CACNA2D1: variants seen among roughly 807,000 people sequenced by gnomAD.
CACNA2D1 encodes the protein calcium voltage-gated channel auxiliary subunit alpha2delta 1, also known as voltage-dependent calcium channel subunit alpha-2/delta-1.
CACNA2D1 carries 53 observed loss-of-function variants against 171.5 expected under a neutral mutation model. That is an observed-to-expected ratio of 0.31 (90% confidence interval 0.25 to 0.39). The LOEUF is 0.39. CACNA2D1 is among the 10% of genes least tolerant of loss of function. The pLI, the probability that CACNA2D1 is intolerant of heterozygous loss-of-function variation, is 1.00. For missense variants in CACNA2D1, 903 were observed against 1,299.8 expected, an observed-to-expected ratio of 0.69 and a Z score of 4.69; for synonymous variants, 442 against 443.1, an observed-to-expected ratio of 1.00 and a Z score of 0.03.
chr7:81,981,888 A>G (rs1017796193), intron 24 of CACNA2D1, among the ~76,000 whole-genome samples: 2 of 152,204 alleles, frequency 1.3e-5, no homozygotes, highest in Non-Finnish European at 2.9e-5. Context: ...ATGTTCTCCC[A>G]GAAAGTTGAA....
At chr7:82,363,190 T>C (rs1373716934) in intron 1 of CACNA2D1, among the ~76,000 whole-genome samples, 1 of 151,068 alleles carries the variant, frequency 6.6e-6, no homozygotes, top group Non-Finnish European at 1.5e-5. Flanking sequence ...TAGTCTCTTA[T>C]AATTTATGCA....
chr7:81,964,254 G>A lies in CACNA2D1; in HGVS notation c.2680C>T (p.Pro894Ser), dbSNP rs774855335. The A allele has an allele frequency of 6.2e-7, 1 of 1,612,670 alleles. No homozygotes were observed. Among genetic ancestry groups the A allele is most frequent in the Non-Finnish European group, 8.5e-7 (1 of 1,179,174 alleles). Reference sequence around the variant, plus strand: ...GCTCCTTGTTTTGGTGCAGCACCGGGCTCACATACTGACTGATAATCATAA... The same window carrying A: ...GCTCCTTGTTTTGGTGCAGCACCGGACTCACATACTGACTGATAATCATAA... ...KSYDYQSVCE[P>S]GAAPKQGAGH... The change falls in exon 33 of 39, where the codon CCC (proline) becomes TCC (serine). Residue 894 changes from proline to serine, a missense_variant. Coordinates refer to ENST00000356860, the MANE Select transcript of CACNA2D1 (RefSeq NM_000722.4).
At chr7:82,112,216 T>C (rs2129049551) in intron 6 of CACNA2D1, among the ~76,000 whole-genome samples, 1 of 152,340 alleles carries the variant, frequency 6.6e-6, no homozygotes, top group South Asian at 2.1e-4. Context: ...CTCTCGTGGA[T>C]TGCATTTCCT....
chr7:82,303,436 A>G, intron 3 of CACNA2D1, among the ~76,000 whole-genome samples: 1 of 151,218 alleles, frequency 6.6e-6, no homozygotes. Context: ...AAAAAATTCT[A>G]AACTGTGTAT....
intron 4 of CACNA2D1, among the ~76,000 whole-genome samples, chr7:82,148,733 G>A (rs1177101680): frequency 1.3e-5 from 2 of 152,128 alleles, no homozygotes; most frequent in Non-Finnish European, 2.9e-5. Context: ...CGCCTCCCAG[G>A]TTCAAGTGAT....
chr7:82,273,460 T>C (rs1333626719), intron 3 of CACNA2D1, among the ~76,000 whole-genome samples: 1 of 151,242 alleles, frequency 6.6e-6, no homozygotes, highest in Non-Finnish European at 1.5e-5. Flanking sequence ...TTATTGTATA[T>C]CTTCTCTATA....
At chr7:82,266,879 A>C (rs1807932792) in intron 3 of CACNA2D1, among the ~76,000 whole-genome samples, 1 of 152,200 alleles carries the variant, frequency 6.6e-6, no homozygotes. Flanking sequence ...TTGTAAGAAG[A>C]ACTGTACTAC....
intron 3 of CACNA2D1, among the ~76,000 whole-genome samples, chr7:82,278,697 G>C (rs1484922746): frequency 3.3e-5 from 5 of 151,652 alleles, no homozygotes; most frequent in Admixed American, 6.6e-5. Context: ...TTTGGAGTAA[G>C]AAATACAACA....
At chr7:82,321,227 C>T (rs1411456138) in intron 3 of CACNA2D1, among the ~76,000 whole-genome samples, 7 of 151,814 alleles carry the variant, frequency 4.6e-5, no homozygotes, top group East Asian at 1.9e-4. Context: ...GGTGAAACCC[C>T]GTCTCTACTA....
intron 32 of CACNA2D1, 40 bp from the exon 33 acceptor site, chr7:81,964,399 A>G (rs1264985903): frequency 1.9e-6 from 3 of 1,557,862 alleles, no homozygotes; most frequent in Non-Finnish European, 2.6e-6. Context: ...TGCACTTAAA[A>G]TGTAAGCCAA....
chr7:81,994,981 C>G, intron 19 of CACNA2D1, 42 bp from the exon 20 acceptor site: 2 of 951,456 alleles, frequency 2.1e-6, no homozygotes, highest in Non-Finnish European at 3.5e-6. Flanking sequence ...AGAAACAAAG[C>G]TGACCTGCCA....
intron 3 of CACNA2D1, among the ~76,000 whole-genome samples, chr7:82,185,992 A>T (rs561743023): frequency 6.6e-6 from 1 of 151,924 alleles, no homozygotes; most frequent in Non-Finnish European, 1.5e-5. Flanking sequence ...CCCCATCTCT[A>T]CTAATAATAC....
intron 10 of CACNA2D1, chr7:82,051,206 A>G (rs1169451603): frequency 2.0e-5 from 3 of 152,708 alleles, no homozygotes; most frequent in Non-Finnish European, 4.4e-5. Flanking sequence ...TGTCTCACAC[A>G]GAGGTCTGGA....
intron 9 of CACNA2D1, among the ~76,000 whole-genome samples, chr7:82,061,881 T>C (rs1007421017): frequency 2.0e-4 from 30 of 152,098 alleles, no homozygotes; most frequent in Admixed American, 2.0e-3. Context: ...GAGGCACAGG[T>C]CCCCGTGGGA....
At chr7:82,184,849 T>G (rs1797498226) in intron 3 of CACNA2D1, among the ~76,000 whole-genome samples, 1 of 152,330 alleles carries the variant, frequency 6.6e-6, no homozygotes, top group African/African-American at 2.4e-5. Flanking sequence ...GAAGGGCTGA[T>G]ATATTTTCAC....
At chr7:82,246,294 A>G (rs974992622) in intron 3 of CACNA2D1, among the ~76,000 whole-genome samples, 5 of 151,792 alleles carry the variant, frequency 3.3e-5, no homozygotes, top group African/African-American at 1.2e-4. Context: ...TAATTTATAC[A>G]TATCACATTA....
chr7:82,063,487 T>C (rs1031291309), intron 9 of CACNA2D1, among the ~76,000 whole-genome samples: 1 of 152,120 alleles, frequency 6.6e-6, no homozygotes. Context: ...AAAATTCAAA[T>C]GTTAATACTT....
rs867563615 is a variant in CACNA2D1, at chr7:82,060,105, C to G, written c.879+323G>C. On this transcript the variant is annotated intron_variant, in intron 10 of 38. Transcript: ENST00000356860. ...GGCACATGTATAAATATGTAACAAACCTGCACGTTGTGCACATGTACCCTA... is the reference window on the plus strand; with the variant it reads ...GGCACATGTATAAATATGTAACAAAGCTGCACGTTGTGCACATGTACCCTA... Among the ~76,000 whole-genome samples, 28 of 96,926 alleles carry G rather than the reference C, an allele frequency of 2.9e-4. 1 individual carries two copies. The highest frequency in any genetic ancestry group is 1.0e-3 in the African/African-American group (27 of 26,950). 63.6% of individuals were successfully genotyped at this position (96,926 alleles called of 152,430 possible). A position where few individuals can be genotyped will look rare whatever the true frequency, so the allele number is the denominator to read the frequency against.
chr7:82,189,823 A>T (rs1213709861), intron 3 of CACNA2D1, among the ~76,000 whole-genome samples: 2 of 151,898 alleles, frequency 1.3e-5, no homozygotes, highest in Admixed American at 6.6e-5. Flanking sequence ...CTAGTGCTGG[A>T]AATAGATTAA....
Sources: gnomAD v4.1 joint callset for allele counts (sites outside exome capture counted in the v4.1 genomes callset) on GRCh38, gnomAD v4.1.1 for gene constraint, MANE v1.5 for transcripts, NCBI Gene and HGNC (gene_info 2026-07-23, HGNC 2026-07-21) for gene names.